The following LIMK2 variants were observed in gnomAD, a reference collection of about 807,000 sequenced individuals.
LIMK2 encodes the protein LIM domain kinase 2.
A neutral mutation model predicts 75.7 loss-of-function variants in LIMK2; 35 were observed. The ratio of observed to expected loss-of-function variants is 0.46; its 90% CI spans 0.35 to 0.61. The LOEUF is 0.61. Among genes scored for constraint, LIMK2 ranks in the 20% least tolerant of loss-of-function variants. The probability of loss-of-function intolerance (pLI) is 0.00; values close to 1 mark genes in which losing one functional copy is unlikely to be tolerated. For synonymous variants in LIMK2, 301 were observed against 319.2 expected (o/e 0.94, Z 0.61); for missense variants, 623 against 831.0 (o/e 0.75, Z 3.08).
rs573551808 is a variant in LIMK2 at position 31,247,536 on chromosome 22, G to A, written c.117-10755G>A. ...TAGTGAGTGAATGAGAGTAACCTGG[G>A]CTCCATCCTATTTGCAGAGAGCTTT... is the stretch of plus-strand genomic sequence containing the variant. On this transcript the variant is annotated intron_variant, in intron 2 of 15. Transcript: ENST00000331728. Among the ~76,000 whole-genome samples the A allele has an allele frequency of 2.0e-5, 3 of 152,288 alleles. No individual in the cohort carries two copies. In the East Asian group the frequency reaches 5.8e-4, roughly 29 times the overall value.
At chr22:31,263,690 T>A (rs112667186) in intron 7 of LIMK2, among the ~76,000 whole-genome samples, 28 of 145,116 alleles carry the variant, frequency 1.9e-4, no homozygotes, top group African/African-American at 4.4e-4. Context: ...AAAAAAATAA[T>A]AATAATAATT....
chr22:31,230,897 A>G (rs2048522419), intron 2 of LIMK2, among the ~76,000 whole-genome samples: 1 of 152,170 alleles, frequency 6.6e-6, no homozygotes, highest in Non-Finnish European at 1.5e-5. Context: ...AATTACAGTA[A>G]TAGGTACCAC....
intron 12 of LIMK2, 119 bp from the exon 13 acceptor site, chr22:31,272,411 T>A (rs1288934606): frequency 1.1e-6 from 1 of 928,714 alleles, no homozygotes; most frequent in Non-Finnish European, 1.6e-6. Flanking sequence ...CTGCTCTGAT[T>A]CTCCCTTGCT....
intron 2 of LIMK2, among the ~76,000 whole-genome samples, chr22:31,250,538 T>C (rs971495968): frequency 6.6e-6 from 1 of 151,968 alleles, no homozygotes; most frequent in Non-Finnish European, 1.5e-5. Context: ...TTTGCCCAGC[T>C]AGAGTCTGGG....
In LIMK2 at chr22:31,268,566, C is replaced by T. The variant is rs185982835; in HGVS notation, c.1317+366C>T. On this transcript the variant is annotated intron_variant, in intron 11 of 15. Transcript: ENST00000331728. ...TCAATGAAGGGGAAATGAGTTCTAG[C>T]GGAGCCCTGAAGGATCAGAATTGGA... Among the ~76,000 whole-genome samples the T allele has an allele frequency of 5.9e-5, 9 of 152,218 alleles. No individual in the cohort carries two copies. The East Asian group carries it at 1.2e-3, about 20-fold the overall frequency.
chr22:31,230,216 C>T (rs1275290406), intron 2 of LIMK2: 1 of 152,130 alleles, frequency 6.6e-6, no homozygotes, highest in Non-Finnish European at 1.5e-5. Flanking sequence ...TCTTTCCTTT[C>T]CTTGAGCAGT....
At chr22:31,261,075 G>A (rs888643413) in intron 5 of LIMK2, among the ~76,000 whole-genome samples, 4 of 152,204 alleles carry the variant, frequency 2.6e-5, no homozygotes, top group East Asian at 3.8e-4. Context: ...CAGCACTTTG[G>A]GAGGCTGAGG....
chr22:31,270,901 T>C (rs1214801409), intron 11 of LIMK2, among the ~76,000 whole-genome samples: 2 of 152,138 alleles, frequency 1.3e-5, no homozygotes, highest in African/African-American at 2.4e-5. Flanking sequence ...GTGCTAGTGA[T>C]TGGTGAACCA....
intron 2 of LIMK2, chr22:31,248,785 A>T: frequency 6.2e-7 from 1 of 1,613,812 alleles, no homozygotes; most frequent in African/African-American, 1.3e-5. Flanking sequence ...TTGGTCTCCG[A>T]GTTCCCCTCT....
chr22:31,220,896 G>A (rs1397565241), intron 1 of LIMK2, among the ~76,000 whole-genome samples: 3 of 152,272 alleles, frequency 2.0e-5, no homozygotes, highest in South Asian at 2.1e-4. Context: ...CCTGGGAGGC[G>A]GAGGTTGTGG....
Position 31,259,871 on chromosome 22 carries a change from C to G in LIMK2, c.363-18C>G. On this transcript the variant is annotated intron_variant, in intron 4 of 15. Transcript: ENST00000331728. ...GTGGGACTCTAGCATCTTATTCCCC[C>G]CTGTGCCCTCTCCCCAGTGGGAAGT... is the stretch of plus-strand genomic sequence containing the variant. 1.9e-6 allele frequency: 3 copies of G among 1,595,858 alleles called. No homozygotes were observed. Among genetic ancestry groups the G allele is most frequent in the Non-Finnish European group, 2.6e-6 (3 of 1,174,558 alleles).
rs768903534 is a variant in LIMK2 at position 31,262,618 on chromosome 22, G to A, written c.681G>A (p.Thr227=). ...AGGTGGAGGATGCAATTAGCCAGAC[G>A]AGCCAGACACTTCAGCTGTTGATTG... ...VEEVEDAISQ[T]SQTLQLLIEH... is the part of the protein sequence containing the mutation. The change falls in exon 7 of 16, where the codon ACG becomes ACA. Residue 227 remains threonine (T), a synonymous_variant. Coordinates refer to ENST00000331728, the MANE Select transcript of LIMK2 (RefSeq NM_005569.4). The surrounding 1 kb of genome is among the most constrained non-coding windows in gnomAD (Gnocchi z 5.0). 2.7e-5 allele frequency: 44 copies of A among 1,613,418 alleles called. No individual in the cohort carries two copies. The highest frequency in any genetic ancestry group is 3.7e-5 in the Non-Finnish European group (44 of 1,179,584).
At chr22:31,267,231 G>T (rs1043207607) in intron 9 of LIMK2, among the ~76,000 whole-genome samples, 161 bp downstream of exon 9, 1 of 152,132 alleles carries the variant, frequency 6.6e-6, no homozygotes, top group Non-Finnish European at 1.5e-5. Context: ...AAATTACAGC[G>T]TAATTATTTG....
intron 1 of LIMK2, among the ~76,000 whole-genome samples, chr22:31,215,708 A>G (rs1180819307): frequency 6.6e-6 from 1 of 152,196 alleles, no homozygotes; most frequent in Admixed American, 6.5e-5. Context: ...TAAGGTAATT[A>G]AGGCAAAAAA....
intron 2 of LIMK2, among the ~76,000 whole-genome samples, chr22:31,246,168 GACACACGC>G (rs2048666038): frequency 1.2e-5 from 1 of 84,932 alleles, no homozygotes; most frequent in Non-Finnish European, 3.0e-5. Context: ...GCGAGACTCC[GACACACGC>G]ACGCACGCAC....
chr22:31,273,569 G>A, intron 14 of LIMK2, 62 bp downstream of exon 14: 1 of 1,344,156 alleles, frequency 7.4e-7, no homozygotes. Context: ...CCTTCCCTCG[G>A]AACTGGGGCA....
intron 2 of LIMK2, 128 bp downstream of exon 2, chr22:31,225,947 T>G (rs1172832523): frequency 2.7e-6 from 2 of 748,160 alleles, no homozygotes; most frequent in Admixed American, 2.2e-5. Context: ...GAAAGGAATG[T>G]ACCAAGGAAG....
chr22:31,254,260 G>A (rs1211701960), intron 2 of LIMK2, among the ~76,000 whole-genome samples: 2 of 152,244 alleles, frequency 1.3e-5, no homozygotes, highest in Non-Finnish European at 2.9e-5. Context: ...GTGTTCTGGT[G>A]CTCCCATGCC....
At chr22:31,237,057 C>G (rs542853213) in intron 2 of LIMK2, among the ~76,000 whole-genome samples, 18 of 148,396 alleles carry the variant, frequency 1.2e-4, no homozygotes, top group Middle Eastern at 3.7e-3. Flanking sequence ...GTCAGGAGAT[C>G]GAGACCATCC....
Sources: gnomAD v4.1 joint callset for allele counts (sites outside exome capture counted in the v4.1 genomes callset) on GRCh38, gnomAD v4.1.1 for gene constraint, Gnocchi (gnomAD v3.1) non-coding constraint, MANE v1.5 for transcripts, NCBI Gene and HGNC (gene_info 2026-07-23, HGNC 2026-07-21) for gene names.